Variants in CNOT6 observed in about 807,000 individuals in gnomAD.
CNOT6 encodes carbon catabolite repression 4 protein.
A neutral mutation model predicts 61.2 loss-of-function variants in CNOT6; 12 were observed. The observed-to-expected ratio is 0.20, with a 90% CI of 0.13 to 0.32. The LOEUF (loss-of-function observed/expected upper bound fraction) is 0.32, where lower values mean the gene tolerates loss of function less well. Among genes scored for constraint, CNOT6 ranks in the 10% least tolerant of loss-of-function variants. The pLI, the probability that CNOT6 is intolerant of heterozygous loss-of-function variation, is 1.00. For missense variants in CNOT6, 405 were observed against 663.9 expected, an observed-to-expected ratio of 0.61 and a Z score of 4.28; for synonymous variants, 225 against 240.6, an observed-to-expected ratio of 0.94 and a Z score of 0.60.
chr5:180,565,430 A>G (rs184604617), intron 6 of CNOT6, among the ~76,000 whole-genome samples: 2 of 152,334 alleles, frequency 1.3e-5, no homozygotes, highest in East Asian at 1.9e-4. Context: ...TGTGCTGTAG[A>G]AGAAAATGAG....
intron 1 of CNOT6, among the ~76,000 whole-genome samples, chr5:180,505,709 G>T (rs1228024336): frequency 6.6e-6 from 1 of 151,218 alleles, no homozygotes; most frequent in Non-Finnish European, 1.5e-5. Context: ...CACCACGCCC[G>T]GCTAATTTTT....
In CNOT6 at chr5:180,576,664, A is replaced by G. The variant is rs192040988; in HGVS notation, c.*2464A>G. On this transcript the variant is annotated 3_prime_UTR_variant, in exon 12 of 12. Coordinates refer to ENST00000261951, the MANE Select transcript of CNOT6 (RefSeq NM_001370472.1). ...TACAAGTGTAACCTTCAAAAGAGGA[A>G]GAACTATTTGGGGTCTGTAGGTAAT... 1 of 152,410 alleles carries G rather than the reference A, an allele frequency of 6.6e-6. No homozygotes were observed. Among genetic ancestry groups the G allele is most frequent in the East Asian group, 1.9e-4 (1 of 5,184 alleles). The allele number at this position is 152,410 out of a possible 1,614,324, so 9.4% of individuals were successfully genotyped here. A position where few individuals can be genotyped will look rare whatever the true frequency, so the allele number is the denominator to read the frequency against.
At chr5:180,545,561 T>C (rs939407288) in intron 2 of CNOT6, among the ~76,000 whole-genome samples, 7 of 152,270 alleles carry the variant, frequency 4.6e-5, no homozygotes, top group Non-Finnish European at 7.3e-5. Context: ...GTTCATTCTT[T>C]TTTATTACTG....
intron 1 of CNOT6, among the ~76,000 whole-genome samples, chr5:180,498,480 G>A (rs974623666): frequency 3.3e-5 from 5 of 152,142 alleles, no homozygotes; most frequent in African/African-American, 1.2e-4. Flanking sequence ...ACTGGGGAGA[G>A]GGAGTCATGT....
At chr5:180,562,549 G>T (rs769175538) in intron 4 of CNOT6, among the ~76,000 whole-genome samples, 12 of 152,030 alleles carry the variant, frequency 7.9e-5, no homozygotes, top group Non-Finnish European at 1.0e-4. Flanking sequence ...GACCATCTTG[G>T]CTAATGCGGT....
chr5:180,531,771 T>G (rs1185373901), intron 2 of CNOT6, among the ~76,000 whole-genome samples: 1 of 152,162 alleles, frequency 6.6e-6, no homozygotes, highest in Non-Finnish European at 1.5e-5. Flanking sequence ...TCACTCGGGG[T>G]CAGGAGCTGG....
chr5:180,565,007 T>C (rs1384576144), intron 6 of CNOT6, among the ~76,000 whole-genome samples: 1 of 152,240 alleles, frequency 6.6e-6, no homozygotes, highest in African/African-American at 2.4e-5. Flanking sequence ...GGAGACAATT[T>C]TGATGGTCGT....
chr5:180,545,914 T>C (rs1327787300), intron 2 of CNOT6, among the ~76,000 whole-genome samples: 1 of 152,214 alleles, frequency 6.6e-6, no homozygotes, highest in East Asian at 1.9e-4. Flanking sequence ...CCCTAATGAC[T>C]CCCAATTTTG....
At chr5:180,517,079 T>C (rs1318727521) in intron 1 of CNOT6, among the ~76,000 whole-genome samples, 1 of 152,226 alleles carries the variant, frequency 6.6e-6, no homozygotes, top group Non-Finnish European at 1.5e-5. Flanking sequence ...AGAATCTGTG[T>C]AGTGGTGGCT....
At chr5:180,506,239 A>G (rs1757128095) in intron 1 of CNOT6, among the ~76,000 whole-genome samples, 1 of 152,192 alleles carries the variant, frequency 6.6e-6, no homozygotes, top group South Asian at 2.1e-4. Context: ...AATCTACCTC[A>G]TGGGTTGCTG....
At chr5:180,531,484 G>C (rs1178194763) in intron 2 of CNOT6, among the ~76,000 whole-genome samples, 2 of 149,340 alleles carry the variant, frequency 1.3e-5, no homozygotes, top group African/African-American at 2.5e-5. Flanking sequence ...GGGAAGAGAC[G>C]CTCCTCACTT....
rs1210734180 is a variant in CNOT6, at chr5:180,569,207, A to G, written c.1125A>G (p.Gln375=). 6 of 1,614,044 alleles carry G rather than the reference A, an allele frequency of 3.7e-6. No individual in the cohort carries two copies. The highest frequency in any genetic ancestry group is 4.2e-6 in the Non-Finnish European group (5 of 1,179,976). Residue 375 remains glutamine (Q), a synonymous_variant, in exon 10 of 12, where the codon CAA becomes CAG. Transcript: ENST00000261951. ...AATACTCTGATGTGAAGTTGGTACA[A>G]ACTATGATGTTCCTCTCAGAAGTGA... ...DPEYSDVKLV[Q]TMMFLSEVKN...
chr5:180,541,053 A>G (rs1300549318), intron 2 of CNOT6, among the ~76,000 whole-genome samples: 1 of 152,032 alleles, frequency 6.6e-6, no homozygotes, highest in Non-Finnish European at 1.5e-5. Flanking sequence ...TATTTTTGAA[A>G]GAGGTTTTTG....
intron 4 of CNOT6, among the ~76,000 whole-genome samples, chr5:180,561,498 A>G (rs570610505): frequency 6.6e-6 from 1 of 150,636 alleles, no homozygotes; most frequent in South Asian, 2.2e-4. Flanking sequence ...AGTTGTGTTT[A>G]TCTTTTTGCA....
intron 1 of CNOT6, among the ~76,000 whole-genome samples, chr5:180,520,792 T>C (rs1757848772): frequency 6.6e-6 from 1 of 152,184 alleles, no homozygotes; most frequent in Non-Finnish European, 1.5e-5. Context: ...TGTTTGTTTT[T>C]TCTTTCCAAG....
At chr5:180,542,780 A>G (rs1379572088) in intron 2 of CNOT6, among the ~76,000 whole-genome samples, 6 of 152,244 alleles carry the variant, frequency 3.9e-5, no homozygotes, top group African/African-American at 1.2e-4. Flanking sequence ...AACATAGGTC[A>G]GGATAATCCC....
intron 1 of CNOT6, among the ~76,000 whole-genome samples, chr5:180,497,565 A>T (rs963407710): frequency 1.3e-5 from 2 of 152,156 alleles, no homozygotes; most frequent in African/African-American, 2.4e-5. Context: ...TGCAAGGTCC[A>T]CTGGCTTGGG....
chr5:180,510,134 C>CT (rs56899929), intron 1 of CNOT6, among the ~76,000 whole-genome samples: 763 of 37,350 alleles, frequency 0.02, 46 homozygotes, highest in Non-Finnish European at 0.024. Flanking sequence ...GTCTGTAAAC[C>CT]TTTTTTTTTT....
intron 2 of CNOT6, among the ~76,000 whole-genome samples, chr5:180,531,445 C>A (rs1758371122): frequency 6.6e-6 from 1 of 151,738 alleles, no homozygotes; most frequent in Non-Finnish European, 1.5e-5. Context: ...GGCAGAGACG[C>A]TCCTCATTTC....
Sources: allele counts gnomAD v4.1 joint callset (sites outside exome capture counted in the v4.1 genomes callset), GRCh38; gene constraint gnomAD v4.1.1; transcripts MANE v1.5; gene names NCBI Gene and HGNC (gene_info 2026-07-23, HGNC 2026-07-21).